The following KCNT2 variants were observed in gnomAD, a reference collection of about 807,000 sequenced individuals.
The protein encoded by KCNT2 is potassium channel subfamily T member 2.
A neutral mutation model predicts 153.8 loss-of-function variants in KCNT2; 67 were observed. The ratio of observed to expected loss-of-function variants is 0.44; its 90% CI spans 0.36 to 0.53. KCNT2 has a LOEUF of 0.53. Among genes scored for constraint, KCNT2 ranks in the 20% least tolerant of loss-of-function variants. The pLI is 0.00. For missense variants in KCNT2, 975 were observed against 1,354.8 expected (o/e 0.72, Z 4.40); for synonymous variants, 500 against 458.8 (o/e 1.09, Z -1.15).
chr1:196,465,529 A>G (rs922226746), intron 7 of KCNT2, 142 bp from the exon 8 acceptor site: 1 of 602,946 alleles, frequency 1.7e-6, no homozygotes, highest in African/African-American at 1.9e-5. Flanking sequence ...TCAAATGGAA[A>G]TATAAGCATA....
In KCNT2 at chr1:196,355,898, C is replaced by T. The variant is rs550450647; in HGVS notation, c.1404-13670G>A. On this transcript the variant is annotated intron_variant, in intron 14 of 27. Transcript: ENST00000294725. The stretch of plus-strand genomic sequence containing the variant: ...ACTTTCCCCTCTCTCACACAGATCA[C>T]AGCCTGCTTGCTTAGTGAATACCAT... Among the ~76,000 whole-genome samples, 16 of 151,886 alleles carry T rather than the reference C, an allele frequency of 1.1e-4. No homozygotes were observed. In the South Asian group the frequency reaches 3.3e-3, roughly 32 times the overall value.
At chr1:196,547,515 T>C (rs995365950) in intron 1 of KCNT2, among the ~76,000 whole-genome samples, 1 of 152,012 alleles carries the variant, frequency 6.6e-6, no homozygotes, top group Non-Finnish European at 1.5e-5. Flanking sequence ...AAACATTTAC[T>C]TCAAGTTCAA....
At chr1:196,286,710 G>T (rs1225061391) in intron 22 of KCNT2, among the ~76,000 whole-genome samples, 2 of 151,826 alleles carry the variant, frequency 1.3e-5, no homozygotes, top group Admixed American at 1.3e-4. Context: ...GGGTGATATG[G>T]TGTATGAGGG....
intron 14 of KCNT2, among the ~76,000 whole-genome samples, chr1:196,349,597 C>CTAGCCTTATTT (rs1666446925): frequency 1.3e-5 from 2 of 152,066 alleles, no homozygotes; most frequent in Admixed American, 1.3e-4. Flanking sequence ...TAGCGGTACA[C>CTAGCCTTATTT]CCTATAGACT....
At chr1:196,530,946 C>A (rs775289291) in intron 1 of KCNT2, among the ~76,000 whole-genome samples, 5 of 152,038 alleles carry the variant, frequency 3.3e-5, no homozygotes, top group African/African-American at 7.2e-5. Flanking sequence ...ACTTTGGCCC[C>A]TGACAACTTC....
intron 1 of KCNT2, among the ~76,000 whole-genome samples, chr1:196,546,489 G>A (rs1297887751): frequency 6.6e-6 from 1 of 151,956 alleles, no homozygotes; most frequent in African/African-American, 2.4e-5. Flanking sequence ...CCATAACACT[G>A]AGTGCTTTCT....
chr1:196,480,703 A>G (rs921094816), intron 4 of KCNT2, among the ~76,000 whole-genome samples: 1 of 151,838 alleles, frequency 6.6e-6, no homozygotes, highest in Non-Finnish European at 1.5e-5. Context: ...AAAATACAAA[A>G]AAAGTAGCCG....
intron 25 of KCNT2, among the ~76,000 whole-genome samples, chr1:196,263,864 T>C (rs185633499): frequency 2.2e-3 from 335 of 152,332 alleles, no homozygotes; most frequent in South Asian, 0.011. Context: ...TTCCATCTCC[T>C]TTTTATGATA....
intron 26 of KCNT2, among the ~76,000 whole-genome samples, chr1:196,239,058 A>G (rs1163884507): frequency 1.3e-5 from 2 of 151,922 alleles, no homozygotes; most frequent in Non-Finnish European, 2.9e-5. Context: ...TATGGCAAAG[A>G]TACAAATTAA....
intron 1 of KCNT2, among the ~76,000 whole-genome samples, chr1:196,506,997 T>C (rs1681197531): frequency 6.6e-6 from 1 of 152,064 alleles, no homozygotes; most frequent in Non-Finnish European, 1.5e-5. Context: ...TCATAAATAA[T>C]GATTAAAACA....
chr1:196,453,584 G>A (rs538602873), intron 8 of KCNT2, among the ~76,000 whole-genome samples: 1 of 151,918 alleles, frequency 6.6e-6, no homozygotes, highest in East Asian at 2.0e-4. Context: ...TCAGATTGTT[G>A]TTTTAATGTT....
chr1:196,546,501 A>T (rs1657124991), intron 1 of KCNT2, among the ~76,000 whole-genome samples: 1 of 152,058 alleles, frequency 6.6e-6, no homozygotes. Context: ...GTGCTTTCTA[A>T]GTCACCTCTG....
chr1:196,518,014 GAAA>G (rs1652836588), intron 1 of KCNT2, among the ~76,000 whole-genome samples: 1 of 152,128 alleles, frequency 6.6e-6, no homozygotes, highest in Non-Finnish European at 1.5e-5. Context: ...CAGCTAGAGA[GAAA>G]GGGCAGGTCA....
chr1:196,288,116 G>A (rs1299627469), intron 22 of KCNT2, among the ~76,000 whole-genome samples: 4 of 149,164 alleles, frequency 2.7e-5, no homozygotes, highest in Non-Finnish European at 4.4e-5. Context: ...ATGTTCTCTA[G>A]TGGAAGTAAA....
At chr1:196,464,851 T>C (rs1333433785) in intron 8 of KCNT2, among the ~76,000 whole-genome samples, 7 of 152,022 alleles carry the variant, frequency 4.6e-5, no homozygotes. Flanking sequence ...CCTGGCTTTC[T>C]GCCTGACTGC....
chr1:196,504,416 T>A (rs1478813196), intron 1 of KCNT2, among the ~76,000 whole-genome samples: 2 of 152,072 alleles, frequency 1.3e-5, no homozygotes, highest in Admixed American at 1.3e-4. Flanking sequence ...ACATGAACTC[T>A]TCCTTTTTTA....
chr1:196,458,933 T>G (rs555088257), intron 8 of KCNT2, among the ~76,000 whole-genome samples: 1 of 152,004 alleles, frequency 6.6e-6, no homozygotes, highest in East Asian at 1.9e-4. Flanking sequence ...TTCCTGTAAT[T>G]CAAACATTAG....
intron 1 of KCNT2, among the ~76,000 whole-genome samples, chr1:196,586,245 T>C (rs893068802): frequency 3.9e-5 from 6 of 152,116 alleles, no homozygotes; most frequent in Non-Finnish European, 8.8e-5. Context: ...ACCTGGGTAA[T>C]AGAGTGAGAC....
rs150097128 is a variant in KCNT2, at chr1:196,425,965, A to G, written c.1008T>C (p.Cys336=). 2.0e-5 allele frequency: 32 copies of G among 1,612,040 alleles called. No individual in the cohort carries two copies. The highest frequency in any genetic ancestry group is 2.5e-5 in the Non-Finnish European group (29 of 1,178,772). ...RLQDYYVVIL[C]PTEMDVQVRR... ...GAACCTGTACATCCATTTCAGTAGG[A>G]CACAAAATCACCACATAATAATCCT... The change falls in exon 11 of 28, where the codon TGT becomes TGC. Residue 336 remains cysteine (C), a synonymous_variant. Coordinates refer to ENST00000294725, the MANE Select transcript of KCNT2 (RefSeq NM_198503.5).
Sources: gnomAD v4.1 joint callset for allele counts (sites outside exome capture counted in the v4.1 genomes callset) on GRCh38, gnomAD v4.1.1 for gene constraint, MANE v1.5 for transcripts, NCBI Gene and HGNC (gene_info 2026-07-23, HGNC 2026-07-21) for gene names.